The following NOX1 variants were observed in gnomAD, a reference collection of about 807,000 sequenced individuals.
NOX1 encodes NADPH oxidase 1.
In NOX1, 34 loss-of-function variants were observed where a neutral mutation model predicts 42.5. The ratio of observed to expected loss-of-function variants is 0.80; its 90% CI spans 0.61 to 1.07. The LOEUF (loss-of-function observed/expected upper bound fraction) is 1.07, where lower values mean the gene tolerates loss of function less well. Among genes scored for constraint, NOX1 ranks in the 50% least tolerant of loss-of-function variants. The probability of loss-of-function intolerance (pLI) is 0.00; values close to 1 mark genes in which losing one functional copy is unlikely to be tolerated. For synonymous variants in NOX1, 143 were observed against 152.5 expected (o/e 0.94, Z 0.46); for missense variants, 408 against 427.0 (o/e 0.96, Z 0.39).
At chrX:100,857,826 G>A (rs757482822) in intron 7 of NOX1, among the ~76,000 whole-genome samples, 132 of 110,230 alleles carry the variant, frequency 1.2e-3, no homozygotes, top group Non-Finnish European at 1.1e-3. Flanking sequence ...GACCTTTGTC[G>A]GATGTGTAGT....
At chrX:100,855,487 CA>C (rs943000784) in intron 7 of NOX1, 6 of 744,802 alleles carry the variant, frequency 8.1e-6, no homozygotes, top group East Asian at 6.3e-5. Context: ...CCACCACCTC[CA>C]AAATTGCTTC....
intron 7 of NOX1, among the ~76,000 whole-genome samples, chrX:100,853,312 T>C (rs56837040): frequency 1.2e-5 from 1 of 86,415 alleles, no homozygotes; most frequent in African/African-American, 5.0e-5. Context: ...CTTTCTTTCT[T>C]TCTTTCTTTC....
At chrX:100,860,120 A>T (rs771684209) in intron 7 of NOX1, among the ~76,000 whole-genome samples, 1 of 111,114 alleles carries the variant, frequency 9.0e-6, no homozygotes, top group Non-Finnish European at 1.9e-5. Context: ...TTTGCATTTA[A>T]CATCTTAGAG....
At chrX:100,857,306 T>C (rs776655890) in intron 7 of NOX1, among the ~76,000 whole-genome samples, 88 of 112,094 alleles carry the variant, frequency 7.9e-4, no homozygotes, top group Non-Finnish European at 1.5e-3. Context: ...GTGGATTCCA[T>C]GTCTGCAGTT....
chrX:100,844,789 A>G (rs1035126265), intron 12 of NOX1, among the ~76,000 whole-genome samples: 20 of 112,101 alleles, frequency 1.8e-4, no homozygotes, highest in Non-Finnish European at 3.6e-4. Flanking sequence ...AAATGGGGAT[A>G]AAAATAGTAC....
At chrX:100,848,556 T>A (rs1171859637) in intron 12 of NOX1, 74 bp downstream of exon 12, 4 of 1,034,277 alleles carry the variant, frequency 3.9e-6, no homozygotes, top group African/African-American at 3.8e-5. Context: ...CCTCCCAAAG[T>A]GCTGAGATTA....
At chrX:100,854,574 C>CT (rs1234415243) in intron 7 of NOX1, among the ~76,000 whole-genome samples, 5 of 110,966 alleles carry the variant, frequency 4.5e-5, no homozygotes, top group African/African-American at 9.8e-5. Context: ...AGCTCCCTAT[C>CT]TTTTTTTTCA....
chrX:100,852,875 C>A (rs1299645343), intron 7 of NOX1, among the ~76,000 whole-genome samples: 1 of 112,378 alleles, frequency 8.9e-6, no homozygotes, highest in East Asian at 2.8e-4. Context: ...AAACAAGATA[C>A]CATTTTAGTC....
At chrX:100,870,253 TAA>T (rs560653397) in intron 2 of NOX1, among the ~76,000 whole-genome samples, 27 of 91,387 alleles carry the variant, frequency 3.0e-4, no homozygotes, top group Non-Finnish European at 2.2e-4. Flanking sequence ...TTCCTCCTTG[TAA>T]AAAAAAAAAA....
At chrX:100,869,140 G>T (rs1391628399) in intron 2 of NOX1, among the ~76,000 whole-genome samples, 6 of 111,173 alleles carry the variant, frequency 5.4e-5, no homozygotes, top group Non-Finnish European at 9.4e-5. Flanking sequence ...ACTTGGCGAT[G>T]CGGGCTCTTT....
At chrX:100,846,624 T>TCTCTCTCTCCCTCC (rs1331225169) in intron 12 of NOX1, among the ~76,000 whole-genome samples, 4 of 111,345 alleles carry the variant, frequency 3.6e-5, no homozygotes, top group African/African-American at 1.3e-4. Flanking sequence ...CTCGCTAGTC[T>TCTCTCTCTCCCTCC]CTCTCTCTCC....
intron 8 of NOX1, 22 bp downstream of exon 8, chrX:100,851,211 G>C (rs746193953): frequency 4.1e-6 from 4 of 986,310 alleles, no homozygotes; most frequent in Middle Eastern, 2.6e-4. Flanking sequence ...ATCACAGCAA[G>C]AGGAAAGTGC....
chrX:100,862,847 T>G lies in NOX1; in HGVS notation c.338-27A>C, dbSNP rs781616095. 1.1e-5 allele frequency: 13 copies of G among 1,174,608 alleles called. No homozygotes were observed. In the East Asian group the frequency reaches 3.9e-4, roughly 35 times the overall value. Reference sequence around the variant, plus strand: ...TAAATGGAAAGATGAAAAGAAATGTTAAGAGGCATCTCAGCAACATCATGG... The same window carrying G: ...TAAATGGAAAGATGAAAAGAAATGTGAAGAGGCATCTCAGCAACATCATGG... On this transcript the variant is annotated intron_variant, in intron 4 of 12. Coordinates refer to ENST00000372966, the MANE Select transcript of NOX1 (RefSeq NM_007052.5).
At position 100,872,672 on chromosome X, in the gene NOX1, AG is replaced by A. The variant is rs2085282447; in HGVS notation, c.45+1422del. ...AAAATAAGAGAGGGGGAAAAAATGC[AG>A]GTAAATGTGGATTTTAGAGCTAGAA... On this transcript the variant is annotated intron_variant, in intron 1 of 12. Coordinates refer to ENST00000372966, the MANE Select transcript of NOX1 (RefSeq NM_007052.5). 2.7e-5 allele frequency among the ~76,000 whole-genome samples: 3 copies of A among 110,119 alleles called. No homozygotes were observed. In the South Asian group the frequency reaches 1.2e-3, roughly 44 times the overall value.
chrX:100,855,741 A>G, intron 7 of NOX1: 1 of 1,024,861 alleles, frequency 9.8e-7, no homozygotes, highest in Non-Finnish European at 1.4e-6. Context: ...ATGACCACTG[A>G]AGTTTCCTCC....
intron 7 of NOX1, among the ~76,000 whole-genome samples, chrX:100,857,255 C>T (rs1321200394): frequency 1.8e-5 from 2 of 111,768 alleles, no homozygotes; most frequent in Non-Finnish European, 3.8e-5. Context: ...TATATATGTA[C>T]CACATTTTCT....
At chrX:100,869,884 T>A (rs1233433973) in intron 2 of NOX1, among the ~76,000 whole-genome samples, 1 of 101,752 alleles carries the variant, frequency 9.8e-6, no homozygotes, top group Non-Finnish European at 2.0e-5. Context: ...GTTGTTGAAT[T>A]TTGTCAAAGG....
intron 1 of NOX1, among the ~76,000 whole-genome samples, chrX:100,871,598 T>C (rs2147922675): frequency 8.9e-6 from 1 of 112,400 alleles, no homozygotes; most frequent in Non-Finnish European, 1.9e-5. Flanking sequence ...AGACTGCTTT[T>C]GCCTGTTCCA....
intron 7 of NOX1, chrX:100,856,263 G>T: frequency 1.1e-6 from 1 of 932,762 alleles, no homozygotes; most frequent in Non-Finnish European, 1.5e-6. Flanking sequence ...CAGTCTGTGA[G>T]CATTCCCCAT....
Sources: gnomAD v4.1 joint callset for allele counts (sites outside exome capture counted in the v4.1 genomes callset) on GRCh38, gnomAD v4.1.1 for gene constraint, MANE v1.5 for transcripts, NCBI Gene and HGNC (gene_info 2026-07-23, HGNC 2026-07-21) for gene names.